The following KCNQ1 variants were observed in gnomAD, a reference collection of about 807,000 sequenced individuals.
The protein encoded by KCNQ1 is potassium voltage-gated channel subfamily KQT member 1.
A neutral mutation model predicts 72.4 loss-of-function variants in KCNQ1; 49 were observed. That is an observed-to-expected ratio of 0.68 (90% CI 0.54 to 0.86). The LOEUF (loss-of-function observed/expected upper bound fraction) is 0.86, where lower values mean the gene tolerates loss of function less well. KCNQ1 is among the 40% of genes least tolerant of loss of function. The probability of loss-of-function intolerance (pLI) is 0.00; values close to 1 mark genes in which losing one functional copy is unlikely to be tolerated. For missense variants in KCNQ1, 790 were observed against 945.1 expected, an observed-to-expected ratio of 0.84 and a Z score of 2.15; for synonymous variants, 450 against 412.6, an observed-to-expected ratio of 1.09 and a Z score of -1.10.
chr11:2,451,958 A>T lies in KCNQ1; in HGVS notation c.386+6474A>T, dbSNP rs1388424518. Among the ~76,000 whole-genome samples, 1 of 152,112 alleles carries T rather than the reference A, an allele frequency of 6.6e-6. No homozygotes were observed. Among genetic ancestry groups the T allele is most frequent in the Non-Finnish European group, 1.5e-5 (1 of 67,998 alleles). On this transcript the variant is annotated intron_variant, in intron 1 of 15. Transcript: ENST00000155840. This position sits in a 1 kb window ranked among gnomAD's most constrained non-coding sequence, Gnocchi z 6.4. The stretch of plus-strand genomic sequence containing the variant: ...CTGGCCTCAGGCCCAGTTTGTATCC[A>T]TGGGCACCCCCACTCCCACCTAGCA...
At chr11:2,517,481 C>T (rs753257944) in intron 1 of KCNQ1, among the ~76,000 whole-genome samples, 19 of 152,164 alleles carry the variant, frequency 1.2e-4, no homozygotes, top group Non-Finnish European at 2.2e-4. Flanking sequence ...GTCCCCGCTG[C>T]GTCACTGTCT....
At chr11:2,643,717 A>C (rs1362587425) in intron 10 of KCNQ1, 5 of 398,406 alleles carry the variant, frequency 1.3e-5, no homozygotes, top group Non-Finnish European at 2.2e-5. Context: ...GTGTGCTTTC[A>C]TGAAGTTGTC....
At position 2,731,741 on chromosome 11, in the gene KCNQ1, C is replaced by T. The variant is rs983871344; in HGVS notation, c.1515-37103C>T. On this transcript the variant is annotated intron_variant, in intron 11 of 15. Transcript: ENST00000155840. ...GGAGGGGAGGGCTGGTCCAGAGTCC[C>T]TGTCCCCTCTGCCAGCCACCCAGGA... Among the ~76,000 whole-genome samples, 7 of 152,350 alleles carry T rather than the reference C, an allele frequency of 4.6e-5. No homozygotes were observed. The East Asian group carries it at 1.4e-3, about 29-fold the overall frequency.
At chr11:2,490,295 T>C (rs762875910) in intron 1 of KCNQ1, among the ~76,000 whole-genome samples, 6 of 152,244 alleles carry the variant, frequency 3.9e-5, no homozygotes, top group Non-Finnish European at 7.3e-5. Flanking sequence ...GGTCTTTGAC[T>C]ACAGACCCTT....
intron 2 of KCNQ1, among the ~76,000 whole-genome samples, chr11:2,530,160 T>A (rs889782717): frequency 1.3e-5 from 2 of 152,178 alleles, no homozygotes; most frequent in Non-Finnish European, 2.9e-5. Context: ...CGATGTCCAA[T>A]ACCCTTGGCA....
chr11:2,615,682 A>G (rs1360915249), intron 10 of KCNQ1: 1 of 398,104 alleles, frequency 2.5e-6, no homozygotes, highest in Non-Finnish European at 4.4e-6. Context: ...GGTGTATTAC[A>G]TTGATTGATA....
Position 2,798,829 on chromosome 11 carries a change from G to A in KCNQ1, c.1794+20792G>A, listed in dbSNP as rs188862622. On this transcript the variant is annotated intron_variant, in intron 15 of 15. Coordinates refer to ENST00000155840, the MANE Select transcript of KCNQ1 (RefSeq NM_000218.3). ...AATTGGTCGCGTTGTTTGAACTCTC[G>A]CCTCTGTGGCTCAGGGCTGGGTTGA... Among the ~76,000 whole-genome samples the A allele has an allele frequency of 5.9e-5, 9 of 152,272 alleles. 1 individual carries two copies. The highest frequency in any genetic ancestry group is 3.3e-4 in the Admixed American group (5 of 15,284).
In KCNQ1 at chr11:2,657,958, G is replaced by A. The variant is rs933070659; in HGVS notation, c.1394-4003G>A. On this transcript the variant is annotated intron_variant, in intron 10 of 15. Coordinates refer to ENST00000155840, the MANE Select transcript of KCNQ1 (RefSeq NM_000218.3). This position sits in a 1 kb window ranked among gnomAD's most constrained non-coding sequence, Gnocchi z 4.8. Reference sequence around the variant, plus strand: ...TGGTAATATTAACCTTGAGCCACTCGTTTAAAGTGGTGTCGGCCAGGCTCC... The same window carrying A: ...TGGTAATATTAACCTTGAGCCACTCATTTAAAGTGGTGTCGGCCAGGCTCC... The A allele has an allele frequency of 1.8e-5, 7 of 398,534 alleles. No individual in the cohort carries two copies. The highest frequency in any genetic ancestry group is 2.5e-4 in the South Asian group (2 of 7,848). 24.7% of individuals were successfully genotyped at this position (398,534 alleles called of 1,614,324 possible).
chr11:2,691,796 G>A lies in KCNQ1; in HGVS notation c.1514+29715G>A. ...AGTGGCCATCCACTGCCAGCAATCAGAGAATCACAAGCACTGGATCCAATG... is the reference window on the plus strand; with the variant it reads ...AGTGGCCATCCACTGCCAGCAATCAAAGAATCACAAGCACTGGATCCAATG... On this transcript the variant is annotated intron_variant, in intron 11 of 15. Coordinates refer to ENST00000155840, the MANE Select transcript of KCNQ1 (RefSeq NM_000218.3). This position sits in a 1 kb window ranked among gnomAD's most constrained non-coding sequence, Gnocchi z 6.4. 1 of 398,676 alleles carries A rather than the reference G, an allele frequency of 2.5e-6. No individual in the cohort carries two copies. Among genetic ancestry groups the A allele is most frequent in the East Asian group, 3.6e-5 (1 of 28,058 alleles). The allele number at this position is 398,676 out of a possible 1,614,324, so 24.7% of individuals were successfully genotyped here. A position where few individuals can be genotyped will look rare whatever the true frequency, so the allele number is the denominator to read the frequency against.
Position 2,538,442 on chromosome 11 carries a change from A to G in KCNQ1, c.477+10424A>G, listed in dbSNP as rs976099305. ...GCAGGCTGTCTCCACCACGATGGAC[A>G]TCATTTATGCCCCAGCCAGGTCCCC... On this transcript the variant is annotated intron_variant, in intron 2 of 15. Transcript: ENST00000155840. This position sits in a 1 kb window ranked among gnomAD's most constrained non-coding sequence, Gnocchi z 6.7. Among the ~76,000 whole-genome samples, 7 of 152,306 alleles carry G rather than the reference A, an allele frequency of 4.6e-5. No homozygotes were observed. The highest frequency in any genetic ancestry group is 1.7e-4 in the African/African-American group (7 of 41,574).
At chr11:2,696,936 T>C (rs1283275500) in intron 11 of KCNQ1, 2 of 398,494 alleles carry the variant, frequency 5.0e-6, no homozygotes, top group East Asian at 3.6e-5. Flanking sequence ...CTCTCTGAAA[T>C]CTGAAATCTC....
At chr11:2,801,326 C>A (rs773522700) in intron 15 of KCNQ1, among the ~76,000 whole-genome samples, 1 of 152,246 alleles carries the variant, frequency 6.6e-6, no homozygotes, top group Non-Finnish European at 1.5e-5. Context: ...TTGCAGTCCC[C>A]TCTAGCTCTC....
intron 11 of KCNQ1, chr11:2,681,401 G>A (rs1320373383): frequency 2.5e-6 from 1 of 398,480 alleles, no homozygotes; most frequent in East Asian, 3.6e-5. Flanking sequence ...GGTGACTAAA[G>A]GCAAAGAATG....
intron 4 of KCNQ1, 133 bp from the exon 5 acceptor site, chr11:2,571,880 C>T: frequency 1.4e-6 from 1 of 732,352 alleles, no homozygotes; most frequent in Non-Finnish European, 2.4e-6. Flanking sequence ...GACATATACC[C>T]AGCCTCCCCA....
Position 2,710,288 on chromosome 11 carries a change from A to G in KCNQ1, c.1514+48207A>G, listed in dbSNP as rs879496748. 9.2e-5 allele frequency among the ~76,000 whole-genome samples: 14 copies of G among 152,210 alleles called. No individual in the cohort carries two copies. Among genetic ancestry groups the G allele is most frequent in the Non-Finnish European group, 1.5e-4 (10 of 68,044 alleles). On this transcript the variant is annotated intron_variant, in intron 11 of 15. Coordinates refer to ENST00000155840, the MANE Select transcript of KCNQ1 (RefSeq NM_000218.3). This position sits in a 1 kb window ranked among gnomAD's most constrained non-coding sequence, Gnocchi z 4.1. ...ATTTGTATCTCTTCTTTGAAGAAGT[A>G]TGTATTCAAATTCTTTGCCCAAATT...
intron 10 of KCNQ1, chr11:2,648,981 C>CTTTTTTCTTTTTT (rs1849710956): frequency 2.8e-5 from 6 of 213,276 alleles, no homozygotes; most frequent in African/African-American, 8.9e-5. Flanking sequence ...TTTTCTTTTT[C>CTTTTTTCTTTTTT]TTTTTTTTTT....
rs1847154482 is a variant in KCNQ1, at chr11:2,509,258, G to C, written c.387-18670G>C. ...ATCACATATTATTTCATGAAGAGTG[G>C]CTTCGGACTTTGGGGTAGGGTCTGG... On this transcript the variant is annotated intron_variant, in intron 1 of 15. Coordinates refer to ENST00000155840, the MANE Select transcript of KCNQ1 (RefSeq NM_000218.3). The surrounding 1 kb of genome is among the most constrained non-coding windows in gnomAD (Gnocchi z 6.3). 6.6e-6 allele frequency among the ~76,000 whole-genome samples: 1 copy of C among 152,138 alleles called. No homozygotes were observed. The highest frequency in any genetic ancestry group is 2.4e-5 in the African/African-American group (1 of 41,396).
chr11:2,560,411 G>T (rs1179750252), intron 2 of KCNQ1, among the ~76,000 whole-genome samples: 6 of 93,284 alleles, frequency 6.4e-5, no homozygotes, highest in African/African-American at 2.2e-4. Context: ...TGGGACTGGG[G>T]GGTGACGTCC....
intron 10 of KCNQ1, chr11:2,622,926 T>C (rs1308616032): frequency 2.5e-6 from 1 of 398,480 alleles, no homozygotes; most frequent in Non-Finnish European, 4.4e-6. Flanking sequence ...ACTGTTGGGG[T>C]GTACATTCTG....
Sources: gnomAD v4.1 joint callset for allele counts (sites outside exome capture counted in the v4.1 genomes callset) on GRCh38, gnomAD v4.1.1 for gene constraint, Gnocchi (gnomAD v3.1) non-coding constraint, MANE v1.5 for transcripts, NCBI Gene and HGNC (gene_info 2026-07-23, HGNC 2026-07-21) for gene names.